FANCB: variants seen among roughly 807,000 people sequenced by gnomAD.
FANCB encodes FA complementation group B.
A neutral mutation model predicts 38.9 loss-of-function variants in FANCB; 5 were observed. The observed-to-expected ratio is 0.13, with a 90% CI of 0.07 to 0.27. The LOEUF is 0.27. FANCB is among the 10% of genes least tolerant of loss of function. The pLI is 1.00. For synonymous variants in FANCB, 236 were observed against 215.4 expected (o/e 1.10, Z -0.84); for missense variants, 573 against 602.7 (o/e 0.95, Z 0.52).
chrX:14,764,882 T>C, the FANCB span, among the ~76,000 whole-genome samples: 1 of 112,017 alleles, frequency 8.9e-6, no homozygotes, highest in South Asian at 3.7e-4. Flanking sequence ...CTAGCTACCA[T>C]GCCATGAGGA....
the FANCB span, among the ~76,000 whole-genome samples, chrX:14,697,913 T>C: frequency 1.2e-4 from 13 of 112,494 alleles, no homozygotes; most frequent in African/African-American, 4.2e-4. Flanking sequence ...TAAAACTTTT[T>C]TTTACTTTGC....
At chrX:14,839,086 G>A (rs1367019763), downstream of FANCB, among the ~76,000 whole-genome samples, 3 of 111,228 alleles carry the variant, frequency 2.7e-5, no homozygotes, top group Non-Finnish European at 5.7e-5. Context: ...CTGAGGTCAG[G>A]AGTTCAAGAT....
At chrX:14,756,939 C>T in the FANCB span, among the ~76,000 whole-genome samples, 40 of 111,599 alleles carry the variant, frequency 3.6e-4, no homozygotes, top group African/African-American at 1.1e-3. Flanking sequence ...CCAAAGATAA[C>T]ACAAAAATGG....
chrX:14,872,633 C>G (rs1436519989), intron 1 of FANCB, among the ~76,000 whole-genome samples: 2 of 45,722 alleles, frequency 4.4e-5, no homozygotes, highest in African/African-American at 1.9e-4. Flanking sequence ...GGTGGTAAAA[C>G]CGCCCCCCCC....
chrX:14,839,226 G>A (rs6631182), downstream of FANCB, among the ~76,000 whole-genome samples: 4,804 of 110,454 alleles, frequency 0.043, 239 homozygotes, highest in African/African-American at 0.13. Context: ...CCCAGAAAGC[G>A]GAGGCTGCAG....
the FANCB span, chrX:14,691,004 C>A: frequency 2.0e-6 from 1 of 511,421 alleles, no homozygotes; most frequent in Non-Finnish European, 3.1e-6. Flanking sequence ...ACTTAGTGCT[C>A]AGCTTAGGCC....
the FANCB span, among the ~76,000 whole-genome samples, chrX:14,725,609 TA>T: frequency 4.5e-5 from 5 of 112,124 alleles, no homozygotes; most frequent in African/African-American, 1.3e-4. Flanking sequence ...TAGACTCTGC[TA>T]AAATCTTTTC....
At chrX:14,792,099 A>C in the FANCB span, among the ~76,000 whole-genome samples, 2 of 111,762 alleles carry the variant, frequency 1.8e-5, no homozygotes, top group Non-Finnish European at 3.8e-5. Flanking sequence ...TAATGAATTC[A>C]CTAAAAATGT....
chrX:14,724,381 T>C, the FANCB span, among the ~76,000 whole-genome samples: 2 of 109,842 alleles, frequency 1.8e-5, no homozygotes, highest in Non-Finnish European at 3.8e-5. Context: ...ATCCCAGCAC[T>C]TTGGGAGGCC....
the FANCB span, among the ~76,000 whole-genome samples, chrX:14,741,548 C>T: frequency 9.0e-6 from 1 of 111,627 alleles, no homozygotes; most frequent in Non-Finnish European, 1.9e-5. Flanking sequence ...CCTACTGACT[C>T]CCTGGCACAA....
At chrX:14,699,237 C>T in the FANCB span, among the ~76,000 whole-genome samples, 1 of 111,947 alleles carries the variant, frequency 8.9e-6, no homozygotes, top group African/African-American at 3.3e-5. Flanking sequence ...GCAGCCTCAC[C>T]TGCATTTATC....
At chrX:14,793,689 G>A in the FANCB span, among the ~76,000 whole-genome samples, 13 of 112,306 alleles carry the variant, frequency 1.2e-4, no homozygotes, top group South Asian at 3.6e-4. Flanking sequence ...GTTAACACGC[G>A]TAGAGAGAGG....
chrX:14,789,355 C>G, the FANCB span, among the ~76,000 whole-genome samples: 1 of 111,469 alleles, frequency 9.0e-6, no homozygotes, highest in Non-Finnish European at 1.9e-5. Context: ...GTGGCTCACA[C>G]CTGTAATCCC....
At chrX:14,835,225 C>T (rs1483954675), downstream of FANCB, 1 of 512,232 alleles carries the variant, frequency 2.0e-6, no homozygotes, top group Non-Finnish European at 3.6e-6. Context: ...TCATTATCCA[C>T]CTTAAAGTGA....
chrX:14,739,101 T>G, the FANCB span, among the ~76,000 whole-genome samples: 2 of 112,310 alleles, frequency 1.8e-5, no homozygotes, highest in Non-Finnish European at 3.8e-5. Flanking sequence ...ACCTCTGCTT[T>G]AAACCTTTTC....
the FANCB span, among the ~76,000 whole-genome samples, chrX:14,802,167 C>A: frequency 9.0e-6 from 1 of 111,149 alleles, no homozygotes. Flanking sequence ...AGGCTGCTAC[C>A]AAGGATAAGA....
chrX:14,869,065 C>G (rs1279424632), intron 1 of FANCB, 22 bp from the exon 2 acceptor site: 3 of 111,254 alleles, frequency 2.7e-5, no homozygotes, highest in African/African-American at 9.8e-5. Context: ...AGAAAATAAA[C>G]ATATTAGTTA....
In FANCB at chrX:14,845,057, G is replaced by C. The variant is rs775375428; in HGVS notation, c.1726C>G (p.Gln576Glu). ...CEHPSKKECVQIITAVTSLSP... is the reference protein window; with the variant it reads ...CEHPSKKECVEIITAVTSLSP... ...AGAGATGTTACAGCAGTAATTATCT[G>C]TACACACTCTTTCTTAGATGGGTGT... Residue 576 changes from glutamine (Q) to glutamate (E), a missense_variant, in exon 8 of 10, where the codon CAG becomes GAG. Gln to Glu is a conservative substitution (Grantham distance 29). Transcript: ENST00000650831. The C allele has an allele frequency of 9.5e-5, 115 of 1,206,978 alleles. No individual in the cohort carries two copies. Among genetic ancestry groups the C allele is most frequent in the Non-Finnish European group, 1.3e-4 (113 of 892,309 alleles).
chrX:14,762,699 G>C, the FANCB span, among the ~76,000 whole-genome samples: 1 of 111,871 alleles, frequency 8.9e-6, no homozygotes, highest in African/African-American at 3.2e-5. Context: ...TCCAGGAAAA[G>C]ACAACAATTA....
Sources: allele counts gnomAD v4.1 joint callset (sites outside exome capture counted in the v4.1 genomes callset), GRCh38; gene constraint gnomAD v4.1.1; transcripts MANE v1.5; gene names NCBI Gene and HGNC (gene_info 2026-07-23, HGNC 2026-07-21).